Variants in GRIN2B observed in about 807,000 individuals in gnomAD.
The protein encoded by GRIN2B is glutamate ionotropic receptor NMDA type subunit 2B.
GRIN2B carries 5 observed loss-of-function variants against 114.5 expected under a neutral mutation model. That is an observed-to-expected ratio of 0.04 (90% CI 0.02 to 0.09). GRIN2B has a LOEUF of 0.09. Ranked by LOEUF, GRIN2B falls within the 10% of genes least tolerant of loss-of-function variation. The pLI, the probability that GRIN2B is intolerant of heterozygous loss-of-function variation, is 1.00. For missense variants in GRIN2B, 1,108 were observed against 1,943.5 expected, an observed-to-expected ratio of 0.57 and a Z score of 8.08; for synonymous variants, 787 against 745.1, an observed-to-expected ratio of 1.06 and a Z score of -0.92.
chr12:13,840,437 G>T (rs527821221), intron 3 of GRIN2B, among the ~76,000 whole-genome samples: 1 of 152,248 alleles, frequency 6.6e-6, no homozygotes, highest in East Asian at 1.9e-4. Flanking sequence ...AAAGATACCT[G>T]ATTTAGATCC....
Position 13,875,198 on chromosome 12 carries a change from C to T in GRIN2B, c.-18-8972G>A, listed in dbSNP as rs549993696. 7.2e-4 allele frequency among the ~76,000 whole-genome samples: 109 copies of T among 152,058 alleles called. 1 individual carries two copies. The South Asian group carries it at 0.014, about 20-fold the overall frequency. On this transcript the variant is annotated intron_variant, in intron 2 of 13. Coordinates refer to ENST00000609686, the MANE Select transcript of GRIN2B (RefSeq NM_000834.5). ...CAAACCTGCACATCCTGCATATGTA[C>T]CCCAGAACTTAAAATAAAAGTTGAA...
chr12:13,699,630 C>T (rs1950292382), intron 4 of GRIN2B, among the ~76,000 whole-genome samples: 1 of 151,626 alleles, frequency 6.6e-6, no homozygotes, highest in African/African-American at 2.4e-5. Flanking sequence ...GCTCTGTTGC[C>T]AGGCCGGAGT....
At chr12:13,664,983 G>C (rs1389989727) in intron 5 of GRIN2B, among the ~76,000 whole-genome samples, 2 of 152,144 alleles carry the variant, frequency 1.3e-5, no homozygotes, top group Non-Finnish European at 2.9e-5. Context: ...TTTTAATTCA[G>C]AAGATGACTA....
intron 4 of GRIN2B, among the ~76,000 whole-genome samples, chr12:13,719,084 ATC>A (rs1423999766): frequency 1.3e-4 from 20 of 151,946 alleles, no homozygotes; most frequent in Admixed American, 1.2e-3. Context: ...ATACACTGAA[ATC>A]TCACTCAGTT....
chr12:13,727,972 C>G (rs142724340), intron 4 of GRIN2B, among the ~76,000 whole-genome samples: 10 of 152,218 alleles, frequency 6.6e-5, no homozygotes, highest in Admixed American at 5.2e-4. Context: ...CACTGTAGCT[C>G]TTACTGTAGC....
chr12:13,815,630 G>A (rs1333337899), intron 3 of GRIN2B, among the ~76,000 whole-genome samples: 1 of 152,154 alleles, frequency 6.6e-6, no homozygotes, highest in Admixed American at 6.5e-5. Context: ...TGTAATAAGA[G>A]AATCAGAGAA....
chr12:13,926,701 C>A (rs530024838), intron 2 of GRIN2B, among the ~76,000 whole-genome samples: 7 of 152,284 alleles, frequency 4.6e-5, no homozygotes, highest in Admixed American at 4.6e-4. Context: ...TGCCTGTAAC[C>A]CCAGCACTTC....
intron 10 of GRIN2B, among the ~76,000 whole-genome samples, chr12:13,575,915 G>C (rs1948770155): frequency 6.6e-6 from 1 of 152,144 alleles, no homozygotes; most frequent in Non-Finnish European, 1.5e-5. Flanking sequence ...GCACATGATG[G>C]AGTCTTAAAA....
At chr12:13,821,900 T>A (rs1475461527) in intron 3 of GRIN2B, among the ~76,000 whole-genome samples, 1 of 152,108 alleles carries the variant, frequency 6.6e-6, no homozygotes, top group Non-Finnish European at 1.5e-5. Flanking sequence ...AACATTACTT[T>A]CTCTATTACA....
intron 4 of GRIN2B, among the ~76,000 whole-genome samples, chr12:13,745,762 T>C (rs1476250050): frequency 6.6e-6 from 1 of 152,222 alleles, no homozygotes; most frequent in African/African-American, 2.4e-5. Flanking sequence ...CTTAATGTGC[T>C]GCACAGTGAG....
At chr12:13,596,021 T>G (rs962564436) in intron 10 of GRIN2B, among the ~76,000 whole-genome samples, 4 of 151,978 alleles carry the variant, frequency 2.6e-5, no homozygotes, top group Non-Finnish European at 5.9e-5. Flanking sequence ...TGCATTTTTT[T>G]TCTGTAAGAA....
chr12:13,820,217 A>T (rs1864908110), intron 3 of GRIN2B, among the ~76,000 whole-genome samples: 2 of 152,282 alleles, frequency 1.3e-5, no homozygotes, highest in South Asian at 4.1e-4. Flanking sequence ...CCCCCAAGAG[A>T]AAAAGAGACT....
intron 4 of GRIN2B, among the ~76,000 whole-genome samples, chr12:13,680,103 T>C (rs943404700): frequency 6.6e-6 from 1 of 152,012 alleles, no homozygotes; most frequent in African/African-American, 2.4e-5. Flanking sequence ...ATGAAATACA[T>C]CTGAAAAATG....
rs182019366 is a variant in GRIN2B at position 13,625,593 on chromosome 12, A to G, written c.1126-8936T>C. Among the ~76,000 whole-genome samples, 32 of 152,272 alleles carry G rather than the reference A, an allele frequency of 2.1e-4. No homozygotes were observed. The East Asian group carries it at 4.2e-3, about 20-fold the overall frequency. On this transcript the variant is annotated intron_variant, in intron 5 of 13. Transcript: ENST00000609686. ...TTGAAAACATCAGTGCAGCTCCTTA[A>G]TGTGACTTCCTCCCAGAAACATAAT...
chr12:13,884,562 A>G (rs1866123031), intron 2 of GRIN2B, among the ~76,000 whole-genome samples: 1 of 152,008 alleles, frequency 6.6e-6, no homozygotes, highest in African/African-American at 2.4e-5. Flanking sequence ...GCCTGGGAGT[A>G]ATGATAATTT....
chr12:13,911,478 T>C (rs1351377139), intron 2 of GRIN2B, among the ~76,000 whole-genome samples: 2 of 152,214 alleles, frequency 1.3e-5, no homozygotes, highest in African/African-American at 4.8e-5. Flanking sequence ...CCCCAGCCTC[T>C]GCAGTTTGTG....
intron 2 of GRIN2B, among the ~76,000 whole-genome samples, chr12:13,904,261 AT>A (rs1866503390): frequency 6.6e-6 from 1 of 150,838 alleles, no homozygotes; most frequent in African/African-American, 2.4e-5. Flanking sequence ...ATATTTTATC[AT>A]TTTTTATTTC....
intron 2 of GRIN2B, among the ~76,000 whole-genome samples, chr12:13,967,796 G>A (rs1389812250): frequency 6.6e-6 from 1 of 152,176 alleles, no homozygotes; most frequent in African/African-American, 2.4e-5. Context: ...ACCTGGAGCT[G>A]AGGATCCCTG....
At chr12:13,590,125 A>C (rs1948986317) in intron 10 of GRIN2B, among the ~76,000 whole-genome samples, 1 of 152,102 alleles carries the variant, frequency 6.6e-6, no homozygotes. Flanking sequence ...AGAATAAATT[A>C]GGTTTACTTT....
Sources: allele counts gnomAD v4.1 joint callset (sites outside exome capture counted in the v4.1 genomes callset), GRCh38; gene constraint gnomAD v4.1.1; transcripts MANE v1.5; gene names NCBI Gene and HGNC (gene_info 2026-07-23, HGNC 2026-07-21).